Variants in TCF7L2 observed in about 807,000 individuals in gnomAD.
TCF7L2 encodes transcription factor 7 like 2, also known as transcription factor 7-like 2.
A neutral mutation model predicts 77.9 loss-of-function variants in TCF7L2; 23 were observed. The ratio of observed to expected loss-of-function variants is 0.30; its 90% CI spans 0.21 to 0.42. The LOEUF (loss-of-function observed/expected upper bound fraction) is 0.42, where lower values mean the gene tolerates loss of function less well. TCF7L2 is among the 10% of genes least tolerant of loss of function. TCF7L2 has a pLI of 1.00. For synonymous variants in TCF7L2, 413 were observed against 340.2 expected (o/e 1.21, Z -2.36); for missense variants, 654 against 793.1 (o/e 0.82, Z 2.11).
At chr10:113,122,060 C>A (rs1469719037) in intron 5 of TCF7L2, among the ~76,000 whole-genome samples, 2 of 152,208 alleles carry the variant, frequency 1.3e-5, no homozygotes, top group African/African-American at 2.4e-5. Flanking sequence ...TAGTGACATT[C>A]TTCTGTCCAA....
At chr10:113,129,273 A>T in intron 5 of TCF7L2, 1 of 983,202 alleles carries the variant, frequency 1.0e-6, no homozygotes, top group Non-Finnish European at 1.2e-6. Context: ...AATCTTGCAG[A>T]TAAAGTGCCT....
intron 5 of TCF7L2, among the ~76,000 whole-genome samples, chr10:113,077,451 C>T (rs1591398514): frequency 6.6e-6 from 1 of 151,898 alleles, no homozygotes; most frequent in Non-Finnish European, 1.5e-5. Flanking sequence ...TTTTCCTCAC[C>T]CCCTAAAAGA....
At chr10:112,994,649 A>G (rs1172571855) in intron 4 of TCF7L2, among the ~76,000 whole-genome samples, 2 of 152,202 alleles carry the variant, frequency 1.3e-5, no homozygotes, top group Non-Finnish European at 2.9e-5. Context: ...TCTGTGATGT[A>G]CCAGTTGTGT....
chr10:113,092,137 A>G (rs148491583), intron 5 of TCF7L2, among the ~76,000 whole-genome samples: 152 of 152,328 alleles, frequency 1.0e-3, no homozygotes, highest in African/African-American at 3.5e-3. Flanking sequence ...TTTCTTCCTT[A>G]TAACTCAAGG....
chr10:112,950,477 A>G lies in TCF7L2; in HGVS notation c.-280A>G. 9.8e-6 allele frequency: 1 copy of G among 102,088 alleles called. No homozygotes were observed. The allele number at this position is 102,088 out of a possible 1,614,324, so 6.3% of individuals were successfully genotyped here. ...TTTTTTTTTTTTACCCCCCTTTTTT[A>G]TTTATTATTTTTTTGCACATTGATC... On this transcript the variant is annotated 5_prime_UTR_variant, in exon 1 of 14. Transcript: ENST00000627217.
At chr10:112,990,836 G>A (rs1216340238) in intron 4 of TCF7L2, among the ~76,000 whole-genome samples, 1 of 152,164 alleles carries the variant, frequency 6.6e-6, no homozygotes, top group Non-Finnish European at 1.5e-5. Context: ...ATCTCAATGG[G>A]TTTTGAGTGC....
chr10:113,015,834 T>G (rs1053156922), intron 4 of TCF7L2, among the ~76,000 whole-genome samples: 1 of 152,076 alleles, frequency 6.6e-6, no homozygotes, highest in Admixed American at 6.5e-5. Context: ...AAGTGAAGGA[T>G]GAGAATCAGT....
chr10:112,992,180 G>T (rs924788584), intron 4 of TCF7L2, among the ~76,000 whole-genome samples: 10 of 152,160 alleles, frequency 6.6e-5, no homozygotes, highest in Non-Finnish European at 1.2e-4. Flanking sequence ...GGGGGCAGAG[G>T]CGTGAGTGGT....
chr10:113,136,468 T>A (rs2067415162), intron 5 of TCF7L2, among the ~76,000 whole-genome samples: 1 of 152,222 alleles, frequency 6.6e-6, no homozygotes, highest in Non-Finnish European at 1.5e-5. Context: ...GTTGTCATCA[T>A]GTTTTCAGAG....
intron 3 of TCF7L2, among the ~76,000 whole-genome samples, chr10:112,962,508 G>A (rs1047213452): frequency 2.0e-5 from 3 of 152,156 alleles, no homozygotes; most frequent in East Asian, 1.9e-4. Flanking sequence ...TGCAATCTCC[G>A]TTTACTGACT....
intron 5 of TCF7L2, among the ~76,000 whole-genome samples, chr10:113,080,941 G>T (rs914013611): frequency 6.6e-6 from 1 of 152,210 alleles, no homozygotes; most frequent in Non-Finnish European, 1.5e-5. Flanking sequence ...TGGCTAACAA[G>T]ATGTGAATTA....
intron 3 of TCF7L2, 103 bp downstream of exon 3, chr10:112,951,710 C>G: frequency 1.8e-6 from 1 of 552,562 alleles, no homozygotes; most frequent in Middle Eastern, 8.9e-4. Flanking sequence ...GCCTCCCCCT[C>G]CCCGCCTCCT....
At position 113,158,057 on chromosome 10, in the gene TCF7L2, G is replaced by A; in HGVS notation, c.1306G>A (p.Gly436Arg). 1.3e-6 allele frequency: 2 copies of A among 1,598,564 alleles called. No homozygotes were observed. Among genetic ancestry groups the A allele is most frequent in the East Asian group, 2.2e-5 (1 of 44,586 alleles). Residue 436 changes from glycine (G) to arginine (R), a missense_variant, in exon 12 of 14, where the codon GGA becomes AGA. Coordinates refer to ENST00000627217, the MANE Select transcript of TCF7L2 (RefSeq NM_001146274.2). ...GAAGAGGAAAAGGGACAAGCAGCCGGGAGAGACCAATGGTAAGTGACAATC... is the reference window on the plus strand; with the variant it reads ...GAAGAGGAAAAGGGACAAGCAGCCGAGAGAGACCAATGGTAAGTGACAATC...
intron 4 of TCF7L2, among the ~76,000 whole-genome samples, chr10:113,027,907 G>A (rs937702934): frequency 3.3e-5 from 5 of 152,204 alleles, no homozygotes; most frequent in Non-Finnish European, 5.9e-5. Flanking sequence ...GGAATTTGGG[G>A]TGTGGACTTC....
intron 5 of TCF7L2, chr10:113,125,739 T>C (rs187296040): frequency 2.6e-5 from 4 of 152,340 alleles, no homozygotes; most frequent in Non-Finnish European, 4.4e-5. Flanking sequence ...TGTGCTGGTT[T>C]GCTGAGCTGA....
chr10:113,129,438 C>A (rs2066197812), intron 5 of TCF7L2: 1 of 1,008,026 alleles, frequency 9.9e-7, no homozygotes, highest in Admixed American at 5.4e-5. Context: ...GGACCTTCCC[C>A]CTTCCTTCAC....
chr10:113,036,857 T>C (rs1008213684), intron 4 of TCF7L2, among the ~76,000 whole-genome samples: 5 of 152,096 alleles, frequency 3.3e-5, no homozygotes, highest in African/African-American at 1.2e-4. Flanking sequence ...CCACTGTTGT[T>C]TTTGTAGTGG....
At chr10:113,145,926 G>C (rs1377546381) in intron 7 of TCF7L2, 85 bp from the exon 8 acceptor site, 1 of 1,141,216 alleles carries the variant, frequency 8.8e-7, no homozygotes, top group Non-Finnish European at 1.3e-6. Flanking sequence ...TTACTGTGCA[G>C]AGAGAACTTT....
At chr10:113,095,770 C>T (rs896379850) in intron 5 of TCF7L2, among the ~76,000 whole-genome samples, 1 of 152,140 alleles carries the variant, frequency 6.6e-6, no homozygotes, top group African/African-American at 2.4e-5. Flanking sequence ...GGAGGTCTTC[C>T]AAGGAGCTCA....
Sources: gnomAD v4.1 joint callset for allele counts (sites outside exome capture counted in the v4.1 genomes callset) on GRCh38, gnomAD v4.1.1 for gene constraint, MANE v1.5 for transcripts, NCBI Gene and HGNC (gene_info 2026-07-23, HGNC 2026-07-21) for gene names.